AATF: variants seen among roughly 807,000 people sequenced by gnomAD.
AATF encodes apoptosis antagonizing transcription factor.
Under a neutral mutation model 63.7 loss-of-function variants are expected in AATF, and 48 were observed. The observed-to-expected ratio is 0.75, with a 90% CI of 0.60 to 0.96. The LOEUF (loss-of-function observed/expected upper bound fraction) is 0.96, where lower values mean the gene tolerates loss of function less well. Ranked by LOEUF, AATF falls within the 40% of genes least tolerant of loss-of-function variation. The probability of loss-of-function intolerance (pLI) is 0.00; values close to 1 mark genes in which losing one functional copy is unlikely to be tolerated. For missense variants in AATF, 639 were observed against 685.7 expected, an observed-to-expected ratio of 0.93 and a Z score of 0.76; for synonymous variants, 258 against 247.7, an observed-to-expected ratio of 1.04 and a Z score of -0.39.
At chr17:36,976,802 C>T (rs1291163102) in intron 4 of AATF, among the ~76,000 whole-genome samples, 1 of 152,066 alleles carries the variant, frequency 6.6e-6, no homozygotes, top group East Asian at 1.9e-4. Flanking sequence ...TTAAAAGAAA[C>T]ACAATTAAAA....
chr17:37,028,569 C>G (rs954013629), intron 10 of AATF, among the ~76,000 whole-genome samples: 2 of 151,996 alleles, frequency 1.3e-5, no homozygotes, highest in East Asian at 3.9e-4. Flanking sequence ...GTGGATCACT[C>G]AAGTCCAGGA....
intron 4 of AATF, among the ~76,000 whole-genome samples, chr17:36,959,377 AG>A (rs1439172206): frequency 1.3e-5 from 2 of 152,210 alleles, no homozygotes; most frequent in Non-Finnish European, 2.9e-5. Context: ...CAGGAGGCAG[AG>A]GTTACAGTGA....
intron 7 of AATF, among the ~76,000 whole-genome samples, chr17:36,989,613 T>G (rs532223271): frequency 3.6e-4 from 55 of 152,324 alleles, no homozygotes; most frequent in Non-Finnish European, 6.6e-4. Context: ...TTAACTCCTG[T>G]GTGTCATCTT....
intron 2 of AATF, 53 bp from the exon 3 acceptor site, chr17:36,952,833 T>C (rs2070865900): frequency 6.4e-7 from 1 of 1,571,080 alleles, no homozygotes; most frequent in Admixed American, 1.8e-5. Flanking sequence ...TATGGCTTGG[T>C]ATTTTCTCCA....
At chr17:36,978,422 G>T (rs1453868897) in intron 4 of AATF, among the ~76,000 whole-genome samples, 1 of 151,952 alleles carries the variant, frequency 6.6e-6, no homozygotes, top group Non-Finnish European at 1.5e-5. Context: ...TTCTACTGTG[G>T]TGCCCTCTGA....
chr17:36,952,322 C>G (rs1342649265), intron 2 of AATF, among the ~76,000 whole-genome samples: 1 of 152,240 alleles, frequency 6.6e-6, no homozygotes, highest in East Asian at 1.9e-4. Context: ...ATCTACCACT[C>G]CCACCAGACC....
chr17:36,962,616 G>T (rs972299520), intron 4 of AATF, among the ~76,000 whole-genome samples: 1 of 151,816 alleles, frequency 6.6e-6, no homozygotes, highest in African/African-American at 2.4e-5. Context: ...TATCCCATAG[G>T]CAGAGTGGCC....
chr17:37,027,654 T>C (rs892817268), intron 10 of AATF, among the ~76,000 whole-genome samples: 3 of 152,206 alleles, frequency 2.0e-5, no homozygotes, highest in African/African-American at 7.2e-5. Context: ...ACCCAATATA[T>C]AAAAATATTA....
chr17:36,965,304 G>T (rs2070982736), intron 4 of AATF, among the ~76,000 whole-genome samples: 1 of 152,084 alleles, frequency 6.6e-6, no homozygotes, highest in African/African-American at 2.4e-5. Context: ...TTTATAGGCG[G>T]CCACATTCTT....
At chr17:37,001,434 AGGAAGGAAGGAAGGAAG>A in intron 8 of AATF, among the ~76,000 whole-genome samples, 2 of 130,750 alleles carry the variant, frequency 1.5e-5, no homozygotes, top group African/African-American at 5.9e-5. Context: ...GAAGGAAGGA[AGGAAGGAAGGAAGGAAG>A]GAAGAAAAAA....
intron 4 of AATF, among the ~76,000 whole-genome samples, chr17:36,978,442 ACC>A (rs1222894884): frequency 6.6e-6 from 1 of 151,858 alleles, no homozygotes; most frequent in African/African-American, 2.4e-5. Flanking sequence ...AGATATGAAA[ACC>A]CACGTCTGCT....
At chr17:37,009,774 G>A (rs371294191) in intron 8 of AATF, among the ~76,000 whole-genome samples, 38 of 132,198 alleles carry the variant, frequency 2.9e-4, no homozygotes, top group Non-Finnish European at 4.1e-4. Flanking sequence ...CCGAGATTGC[G>A]CCACTGCAGT....
At position 37,042,835 on chromosome 17, in the gene AATF, G is replaced by A. The variant is rs1271242255; in HGVS notation, c.1619+11150G>A. 4.7e-5 allele frequency among the ~76,000 whole-genome samples: 7 copies of A among 148,396 alleles called. No individual in the cohort carries two copies. In the East Asian group the frequency reaches 1.0e-3, roughly 21 times the overall value. On this transcript the variant is annotated intron_variant, in intron 11 of 11. Coordinates refer to ENST00000619387, the MANE Select transcript of AATF (RefSeq NM_012138.4). ...CGGCTCATTGCAAGCTCCTCCTCCC[G>A]GGTTCACGCCATTCTTCTGCCTCAG...
chr17:36,983,406 G>C (rs2071142465), intron 4 of AATF, among the ~76,000 whole-genome samples: 1 of 151,974 alleles, frequency 6.6e-6, no homozygotes, highest in Non-Finnish European at 1.5e-5. Flanking sequence ...GGAGTGCAGT[G>C]GTGCAGTCTT....
At chr17:37,012,844 C>T (rs1176053315) in intron 8 of AATF, among the ~76,000 whole-genome samples, 1 of 152,126 alleles carries the variant, frequency 6.6e-6, no homozygotes, top group Non-Finnish European at 1.5e-5. Context: ...TAAAAATTAA[C>T]TCAAAATGGA....
chr17:37,036,224 T>C (rs2071591084), intron 11 of AATF, among the ~76,000 whole-genome samples: 1 of 152,244 alleles, frequency 6.6e-6, no homozygotes, highest in Non-Finnish European at 1.5e-5. Context: ...CCTTAGTTGC[T>C]CATTGGTTCC....
At chr17:37,029,933 G>T (rs1330484918) in intron 10 of AATF, among the ~76,000 whole-genome samples, 2 of 151,996 alleles carry the variant, frequency 1.3e-5, no homozygotes, top group Admixed American at 6.6e-5. Context: ...GAACTCCTGG[G>T]CTCAGGTGAT....
At chr17:37,056,400 G>A in intron 11 of AATF, 1 of 585,374 alleles carries the variant, frequency 1.7e-6, no homozygotes, top group South Asian at 2.2e-5. Flanking sequence ...AGCCGCACTG[G>A]ACCATTTACA....
rs1443843252 is a variant in AATF at position 37,021,090 on chromosome 17, ATTTTTC to A, written c.1547+85_1547+90del. 10 of 1,103,720 alleles carry A rather than the reference ATTTTTC, an allele frequency of 9.1e-6. No individual in the cohort carries two copies. The East Asian group carries it at 2.9e-4, about 32-fold the overall frequency. 68.4% of individuals were successfully genotyped at this position (1,103,720 alleles called of 1,614,324 possible). A position where few individuals can be genotyped will look rare whatever the true frequency, so the allele number is the denominator to read the frequency against. On this transcript the variant is annotated intron_variant, in intron 10 of 11. Coordinates refer to ENST00000619387, the MANE Select transcript of AATF (RefSeq NM_012138.4). ...TCTCTTACATTCTGGCTGTTATGTC[ATTTTTC>A]TTTTTCTTCTGATGATTCTGTTTTT...
Sources: allele counts gnomAD v4.1 joint callset (sites outside exome capture counted in the v4.1 genomes callset), GRCh38; gene constraint gnomAD v4.1.1; transcripts MANE v1.5; gene names NCBI Gene and HGNC (gene_info 2026-07-23, HGNC 2026-07-21).